The following XYLB variants were observed in gnomAD, a reference collection of about 807,000 sequenced individuals.
The protein encoded by XYLB is xylulose kinase.
XYLB carries 62 observed loss-of-function variants against 78.7 expected under a neutral mutation model. The observed-to-expected ratio is 0.79, with a 90% confidence interval of 0.64 to 0.97. XYLB has a LOEUF of 0.97. Among genes scored for constraint, XYLB ranks in the 50% least tolerant of loss-of-function variants. XYLB has a pLI of 0.00. For missense variants in XYLB, 687 were observed against 676.8 expected (o/e 1.02, Z -0.17); for synonymous variants, 245 against 247.4 (o/e 0.99, Z 0.09).
the XYLB span, among the ~76,000 whole-genome samples, chr3:38,441,763 C>T: frequency 6.6e-6 from 1 of 152,212 alleles, no homozygotes; most frequent in Non-Finnish European, 1.5e-5. Context: ...GCCGCAACTA[C>T]CCATAAACAG....
the XYLB span, among the ~76,000 whole-genome samples, chr3:38,449,977 G>A: frequency 6.6e-6 from 1 of 152,122 alleles, no homozygotes; most frequent in African/African-American, 2.4e-5. Flanking sequence ...GGTCTAGGAA[G>A]AAAATAAATA....
At position 38,366,809 on chromosome 3, in the gene XYLB, GT is replaced by G. The variant is rs1706286842; in HGVS notation, c.513del (p.Phe171LeufsTer49). 1 of 1,610,148 alleles carries G rather than the reference GT, an allele frequency of 6.2e-7. No individual in the cohort carries two copies. Among genetic ancestry groups the G allele is most frequent in the Non-Finnish European group, 8.5e-7 (1 of 1,176,632 alleles). On this transcript the variant is annotated frameshift_variant and splice_region_variant, in exon 7 of 19. Transcript: ENST00000207870. LOFTEE classifies it high-confidence loss of function. ...SCLTGSRAYE[R>X]FTGNQIAKIY... is the part of the protein sequence containing the mutation. ...TAAGAATTTATATTCCTTTTCCAGC[GT>G]TTTACAGGGAACCAAATTGCAAAAA...
intron 9 of XYLB, among the ~76,000 whole-genome samples, chr3:38,372,033 G>A (rs1706593159): frequency 6.6e-6 from 1 of 152,218 alleles, no homozygotes; most frequent in African/African-American, 2.4e-5. Flanking sequence ...GCAGCTTGAG[G>A]ATCGGGAAAG....
At chr3:38,375,645 G>A (rs562632805) in intron 12 of XYLB, among the ~76,000 whole-genome samples, 13 of 152,224 alleles carry the variant, frequency 8.5e-5, no homozygotes, top group African/African-American at 3.1e-4. Flanking sequence ...AGCAAATGGC[G>A]GGAAGGACAT....
At chr3:38,439,160 T>C in the XYLB span, among the ~76,000 whole-genome samples, 100,889 of 151,984 alleles carry the variant, frequency 0.66, 33,589 homozygotes, top group Middle Eastern at 0.72. Context: ...GCGATGACCA[T>C]TCTAGCTACT....
chr3:38,373,431 T>A (rs1706679508), intron 10 of XYLB, among the ~76,000 whole-genome samples: 1 of 152,248 alleles, frequency 6.6e-6, no homozygotes, highest in African/African-American at 2.4e-5. Context: ...AAAGATTAAT[T>A]TCTGTCCTTT....
At chr3:38,408,466 T>A (rs1296725516) in intron 18 of XYLB, among the ~76,000 whole-genome samples, 95 of 149,096 alleles carry the variant, frequency 6.4e-4, no homozygotes, top group Non-Finnish European at 1.2e-3. Context: ...AACATCACAA[T>A]TAAAAGAACT....
chr3:38,438,026 A>G, the XYLB span, among the ~76,000 whole-genome samples: 1 of 151,938 alleles, frequency 6.6e-6, no homozygotes, highest in East Asian at 1.9e-4. Context: ...GCCGAGATCC[A>G]GCCCAGTGAC....
At position 38,372,740 on chromosome 3, in the gene XYLB, A is replaced by G. The variant is rs1338667651; in HGVS notation, c.847+4A>G. On this transcript the variant is annotated splice_donor_region_variant and intron_variant, in intron 10 of 18. Coordinates refer to ENST00000207870, the MANE Select transcript of XYLB (RefSeq NM_005108.4). ...GCCTTCACTGGGGACAACCCAGGTG[A>G]GTATCTCGGGGAGTTTCACTCTCCA... 1.2e-6 allele frequency: 2 copies of G among 1,614,004 alleles called. No homozygotes were observed. Among genetic ancestry groups the G allele is most frequent in the Non-Finnish European group, 1.7e-6 (2 of 1,179,940 alleles).
At chr3:38,396,707 C>T (rs1171367485) in intron 16 of XYLB, among the ~76,000 whole-genome samples, 1 of 152,214 alleles carries the variant, frequency 6.6e-6, no homozygotes, top group African/African-American at 2.4e-5. Context: ...GAAACATGCT[C>T]TTGTTAGCTT....
the XYLB span, among the ~76,000 whole-genome samples, chr3:38,450,652 C>T: frequency 1.3e-5 from 2 of 152,112 alleles, no homozygotes; most frequent in Non-Finnish European, 2.9e-5. Context: ...ACAGAAAACC[C>T]AAATAGAACT....
At chr3:38,404,542 C>T (rs767927816) in intron 18 of XYLB, among the ~76,000 whole-genome samples, 1 of 152,170 alleles carries the variant, frequency 6.6e-6, no homozygotes, top group Admixed American at 6.5e-5. Flanking sequence ...TCCAGCTGGG[C>T]GTGGTGACTC....
the XYLB span, among the ~76,000 whole-genome samples, chr3:38,432,679 A>T: frequency 6.6e-6 from 1 of 152,266 alleles, no homozygotes; most frequent in Admixed American, 6.5e-5. Flanking sequence ...TGCAAGTCCG[A>T]AATCCAACAA....
intron 17 of XYLB, 34 bp from the exon 18 acceptor site, chr3:38,400,857 C>A: frequency 1.3e-6 from 2 of 1,579,136 alleles, no homozygotes; most frequent in Non-Finnish European, 1.7e-6. Context: ...TCACTTGCAA[C>A]ATGCACTAAT....
At chr3:38,439,776 A>AG in the XYLB span, among the ~76,000 whole-genome samples, 1 of 151,350 alleles carries the variant, frequency 6.6e-6, no homozygotes, top group Non-Finnish European at 1.5e-5. Context: ...AAAAAAAAAA[A>AG]GTTTGAAAGG....
chr3:38,360,261 C>A, intron 2 of XYLB, 78 bp from the exon 3 acceptor site: 3 of 1,337,176 alleles, frequency 2.2e-6, no homozygotes, highest in Admixed American at 1.7e-5. Flanking sequence ...CAGAGTCATC[C>A]ACCATAGGGT....
chr3:38,415,461 C>T (rs944706570), downstream of XYLB, among the ~76,000 whole-genome samples: 1 of 152,194 alleles, frequency 6.6e-6, no homozygotes, highest in Non-Finnish European at 1.5e-5. Flanking sequence ...GTGGAAGAAC[C>T]GTATTAGTCC....
At chr3:38,415,021 T>C (rs1292778899), downstream of XYLB, 2 of 152,204 alleles carry the variant, frequency 1.3e-5, no homozygotes, top group Non-Finnish European at 2.9e-5. Context: ...GGGTCTATCT[T>C]GTTACTTAGA....
chr3:38,403,178 C>T (rs1708183562), intron 18 of XYLB, among the ~76,000 whole-genome samples: 1 of 151,342 alleles, frequency 6.6e-6, no homozygotes, highest in Admixed American at 6.6e-5. Context: ...CCTGTAATCC[C>T]AGCTACTCGG....
Sources: allele counts gnomAD v4.1 joint callset (sites outside exome capture counted in the v4.1 genomes callset), GRCh38; gene constraint gnomAD v4.1.1; transcripts MANE v1.5; gene names NCBI Gene and HGNC (gene_info 2026-07-23, HGNC 2026-07-21).